Variants in FBXO5 observed in about 807,000 individuals in gnomAD.
FBXO5 encodes the protein F-box only protein 5.
A neutral mutation model predicts 43.3 loss-of-function variants in FBXO5; 8 were observed. The ratio of observed to expected loss-of-function variants is 0.18; its 90% confidence interval spans 0.11 to 0.33. FBXO5 has a LOEUF of 0.33. Among genes scored for constraint, FBXO5 ranks in the 10% least tolerant of loss-of-function variants. The probability of loss-of-function intolerance (pLI) is 1.00; values close to 1 mark genes in which losing one functional copy is unlikely to be tolerated. For missense variants in FBXO5, 491 were observed against 535.7 expected, an observed-to-expected ratio of 0.92 and a Z score of 0.82; for synonymous variants, 204 against 193.7, an observed-to-expected ratio of 1.05 and a Z score of -0.44.
chr6:152,972,488 AATT>A lies in FBXO5; in HGVS notation c.910-37_910-35del, dbSNP rs756389734. On this transcript the variant is annotated intron_variant, in intron 3 of 4. Coordinates refer to ENST00000229758, the MANE Select transcript of FBXO5 (RefSeq NM_012177.5). ...AAAAAAAGTTTTAATAGAATTTAGA[AATT>A]ATTTCCTGTATCCTCAATGAGACAT... is the stretch of plus-strand genomic sequence containing the variant. 62 of 1,441,264 alleles carry A rather than the reference AATT, an allele frequency of 4.3e-5. No homozygotes were observed. The African/African-American group carries it at 7.7e-4, about 18-fold the overall frequency. The allele number at this position is 1,441,264 out of a possible 1,614,324, so 89.3% of individuals were successfully genotyped here.
At chr6:152,980,739 T>G (rs1487826782) in intron 1 of FBXO5, among the ~76,000 whole-genome samples, 1 of 152,178 alleles carries the variant, frequency 6.6e-6, no homozygotes, top group African/African-American at 2.4e-5. Context: ...GCTAATCTAC[T>G]AGATCTGGAT....
At chr6:152,976,706 A>G (rs1443418836) in intron 1 of FBXO5, among the ~76,000 whole-genome samples, 1 of 152,222 alleles carries the variant, frequency 6.6e-6, no homozygotes, top group East Asian at 1.9e-4. Context: ...GAAAAAAGGG[A>G]AAGACTTGTT....
chr6:152,973,399 C>G, intron 2 of FBXO5: 1 of 355,166 alleles, frequency 2.8e-6, no homozygotes, highest in Non-Finnish European at 5.2e-6. Context: ...TATTTTTTCA[C>G]AATATCTGCA....
rs200988152 is a variant in FBXO5 at position 152,975,364 on chromosome 6, G to T, written c.361C>A (p.Gln121Lys). The T allele has an allele frequency of 6.2e-7, 1 of 1,614,010 alleles. No homozygotes were observed. The highest frequency in any genetic ancestry group is 8.5e-7 in the Non-Finnish European group (1 of 1,179,980). ...CTATTAAGTGTCTGTTGCACATGTT[G>T]ATTTTCCTTGTTATGCAAGCGCTTG... is the stretch of plus-strand genomic sequence containing the variant. ...ESKRLHNKEN[Q>K]HVQQTLNSTN... is the part of the protein sequence containing the mutation. The change falls in exon 2 of 5, where the codon CAA becomes AAA. Residue 121 changes from glutamine to lysine, a missense_variant. Physicochemically the swap from Gln to Lys is moderately conservative, Grantham distance 53. Transcript: ENST00000229758.
rs756791089 is a variant in FBXO5 at position 152,974,980 on chromosome 6, C to G, written c.745G>C (p.Glu249Gln). The G allele has an allele frequency of 1.9e-6, 3 of 1,613,556 alleles. No individual in the cohort carries two copies. Among genetic ancestry groups the G allele is most frequent in the Non-Finnish European group, 2.5e-6 (3 of 1,179,868 alleles). Residue 249 changes from glutamate (E) to glutamine (Q), a missense_variant, in exon 2 of 5, where the codon GAA (glutamate) becomes CAA (glutamine). By Grantham distance (29) the Glu-to-Gln change is conservative. Transcript: ENST00000229758. ...MGLECVDILS[E>Q]LFRRGLRHVL... ...TGTCTGAGTCCCCTTCGAAAGAGTTCGCTGAGAATATCTACACATTCTAGG... is the reference window on the plus strand; with the variant it reads ...TGTCTGAGTCCCCTTCGAAAGAGTTGGCTGAGAATATCTACACATTCTAGG...
At chr6:152,975,663 T>C in intron 1 of FBXO5, 42 bp from the exon 2 acceptor site, 1 of 1,272,768 alleles carries the variant, frequency 7.9e-7, no homozygotes, top group East Asian at 2.3e-5. Context: ...TGGCAAAATT[T>C]CCACACATCC....
Position 152,975,179 on chromosome 6 carries a change from G to A in FBXO5, c.546C>T (p.Ser182=). ...SLQSCLLQIQ[S]PDQYPNKNLL... ...AGTTTTTGTTGGGATATTGGTCTGG[G>A]CTTTGTATTTGTAGCAGGCAGGATT... is the stretch of plus-strand genomic sequence containing the variant. Residue 182 remains serine, a synonymous_variant, in exon 2 of 5, where the codon AGC becomes AGT. Transcript: ENST00000229758. The A allele has an allele frequency of 1.2e-6, 2 of 1,614,134 alleles. No homozygotes were observed. Among genetic ancestry groups the A allele is most frequent in the Non-Finnish European group, 1.7e-6 (2 of 1,180,024 alleles).
chr6:152,981,086 A>G (rs2129094557), intron 1 of FBXO5, among the ~76,000 whole-genome samples: 1 of 152,354 alleles, frequency 6.6e-6, no homozygotes, highest in African/African-American at 2.4e-5. Context: ...TAGAATGTAT[A>G]GATTTAAGAA....
chr6:152,976,437 G>A (rs773021236), intron 1 of FBXO5, among the ~76,000 whole-genome samples: 1 of 152,112 alleles, frequency 6.6e-6, no homozygotes, highest in African/African-American at 2.4e-5. Flanking sequence ...CTCGAGTACC[G>A]GGACATCTCC....
At position 152,972,386 on chromosome 6, in the gene FBXO5, A is replaced by T; in HGVS notation, c.978T>A (p.Ala326=). ...REYVMFRTPL[A]SVQKSAAQTS... ...TCTGGGCTGCTGATTTCTGAACAGA[A>T]GCCAGTGGGGTTCTGAACATAACAT... is the stretch of plus-strand genomic sequence containing the variant. The change falls in exon 4 of 5, where the codon GCT becomes GCA. Residue 326 remains alanine, a synonymous_variant. Coordinates refer to ENST00000229758, the MANE Select transcript of FBXO5 (RefSeq NM_012177.5). The T allele has an allele frequency of 6.2e-7, 1 of 1,612,958 alleles. No individual in the cohort carries two copies. Among genetic ancestry groups the T allele is most frequent in the South Asian group, 1.1e-5 (1 of 90,956 alleles).
At chr6:152,978,623 T>C (rs1447337155) in intron 1 of FBXO5, among the ~76,000 whole-genome samples, 1 of 152,230 alleles carries the variant, frequency 6.6e-6, no homozygotes, top group South Asian at 2.1e-4. Context: ...CCTCACGAAA[T>C]TAGCACTTAA....
chr6:152,972,430 G>A lies in FBXO5; in HGVS notation c.934C>T (p.His312Tyr). The change falls in exon 4 of 5, where the codon CAT (histidine) becomes TAT (tyrosine). Residue 312 changes from histidine (H) to tyrosine (Y), a missense_variant. Transcript: ENST00000229758. ...VTENNNKFSP[H>Y]ASTREYVMFR... is the part of the protein sequence containing the mutation. ...ATAACATATTCTCTGGTTGAAGCAT[G>A]AGGTGAAAATTTATTGTTGTTTTCC... 1.3e-6 allele frequency: 2 copies of A among 1,599,544 alleles called. No homozygotes were observed. Among genetic ancestry groups the A allele is most frequent in the Non-Finnish European group, 1.7e-6 (2 of 1,174,470 alleles).
At chr6:152,980,776 C>T (rs920273899) in intron 1 of FBXO5, among the ~76,000 whole-genome samples, 23 of 152,096 alleles carry the variant, frequency 1.5e-4, no homozygotes, top group African/African-American at 5.3e-4. Context: ...TAAAAAAACA[C>T]CCTGGGGTTT....
chr6:152,970,942 A>G lies in FBXO5; in HGVS notation c.*221T>C, dbSNP rs1778076338. 2.5e-6 allele frequency: 1 copy of G among 394,628 alleles called. No individual in the cohort carries two copies. The allele number at this position is 394,628 out of a possible 1,614,324, so 24.4% of individuals were successfully genotyped here. ...TTTCCTTTTTTCTTAAAATATTTAA[A>G]TTGTTTGATTTGTATTGAGAATTTT... On this transcript the variant is annotated 3_prime_UTR_variant, in exon 5 of 5. Transcript: ENST00000229758.
intron 1 of FBXO5, among the ~76,000 whole-genome samples, 158 bp downstream of exon 1, chr6:152,982,699 C>G (rs1200969825): frequency 6.6e-6 from 1 of 152,166 alleles, no homozygotes; most frequent in Non-Finnish European, 1.5e-5. Context: ...CGCCCTCCTC[C>G]CGGACCCAGG....
At chr6:152,975,681 T>C in intron 1 of FBXO5, 60 bp from the exon 2 acceptor site, 1 of 1,057,258 alleles carries the variant, frequency 9.5e-7, no homozygotes, top group South Asian at 1.5e-5. Context: ...TCCCTACTTC[T>C]TAAATTGGGA....
chr6:152,978,033 G>A (rs1240127149), intron 1 of FBXO5, among the ~76,000 whole-genome samples: 1 of 152,100 alleles, frequency 6.6e-6, no homozygotes, highest in African/African-American at 2.4e-5. Context: ...GCACACTGAA[G>A]TGTAGCTTAG....
At position 152,973,055 on chromosome 6, in the gene FBXO5, T is replaced by C. The variant is rs772568744; in HGVS notation, c.900A>G (p.Gln300=). The change falls in exon 3 of 5, where the codon CAA becomes CAG. Residue 300 remains glutamine, a synonymous_variant. Coordinates refer to ENST00000229758, the MANE Select transcript of FBXO5 (RefSeq NM_012177.5). ...ATCTGCAAACACTTACGGTAACTCTTTGTATTGCTTTACTGTACAACTGGA... is the reference window on the plus strand; with the variant it reads ...ATCTGCAAACACTTACGGTAACTCTCTGTATTGCTTTACTGTACAACTGGA... The part of the protein sequence containing the change: ...GAFQLYSKAI[Q]RVTENNNKFS... 3.7e-6 allele frequency: 6 copies of C among 1,613,328 alleles called. 1 individual carries two copies. In the Admixed American group the frequency reaches 1.0e-4, roughly 27 times the overall value.
chr6:152,974,050 A>C (rs1778125890), intron 2 of FBXO5: 1 of 152,022 alleles, frequency 6.6e-6, no homozygotes, highest in South Asian at 2.1e-4. Context: ...AAGTTATCTG[A>C]CTAAGTGATT....
Sources: gnomAD v4.1 joint callset for allele counts (sites outside exome capture counted in the v4.1 genomes callset) on GRCh38, gnomAD v4.1.1 for gene constraint, MANE v1.5 for transcripts, NCBI Gene and HGNC (gene_info 2026-07-23, HGNC 2026-07-21) for gene names.